Variants in PGM5 observed in about 807,000 individuals in gnomAD.
The protein encoded by PGM5 is phosphoglucomutase 5.
A neutral mutation model predicts 59.2 loss-of-function variants in PGM5; 23 were observed. That is an observed-to-expected ratio of 0.39 (90% confidence interval 0.28 to 0.55). The LOEUF is 0.55. Among genes scored for constraint, PGM5 ranks in the 20% least tolerant of loss-of-function variants. PGM5 has a pLI of 0.66. For synonymous variants in PGM5, 214 were observed against 286.0 expected (o/e 0.75, Z 2.54); for missense variants, 574 against 748.3 (o/e 0.77, Z 2.72).
intron 10 of PGM5, among the ~76,000 whole-genome samples, chr9:68,512,167 A>G (rs1347350804): frequency 6.6e-6 from 1 of 152,226 alleles, no homozygotes; most frequent in African/African-American, 2.4e-5. Flanking sequence ...CTCTTTTACC[A>G]GAGAGAAAGG....
intron 6 of PGM5, among the ~76,000 whole-genome samples, chr9:68,451,211 T>C (rs1823690413): frequency 6.6e-6 from 1 of 152,136 alleles, no homozygotes; most frequent in Non-Finnish European, 1.5e-5. Flanking sequence ...CTGAAAACAA[T>C]TATAAGCTCC....
intron 6 of PGM5, among the ~76,000 whole-genome samples, chr9:68,442,966 G>A (rs1449474887): frequency 6.6e-6 from 1 of 152,102 alleles, no homozygotes; most frequent in South Asian, 2.1e-4. Flanking sequence ...AATGCCAAAT[G>A]GGCCACTCTG....
intron 6 of PGM5, chr9:68,398,002 G>C (rs1180834957): frequency 1.3e-5 from 2 of 151,992 alleles, no homozygotes; most frequent in African/African-American, 2.4e-5. Context: ...TGTTAATCCT[G>C]CAAGTATGCA....
intron 7 of PGM5, among the ~76,000 whole-genome samples, chr9:68,477,715 C>A (rs1824128915): frequency 6.6e-6 from 1 of 152,202 alleles, no homozygotes. Flanking sequence ...AAATTACCAA[C>A]AACAAGATCA....
intron 7 of PGM5, among the ~76,000 whole-genome samples, chr9:68,473,598 G>GTGCCTTGC (rs1488739540): frequency 6.6e-6 from 1 of 152,152 alleles, no homozygotes; most frequent in Admixed American, 6.6e-5. Flanking sequence ...GCAGTGCCTG[G>GTGCCTTGC]TGCCTTGCTG....
chr9:68,448,901 C>T (rs1341500000), intron 6 of PGM5, among the ~76,000 whole-genome samples: 4 of 152,192 alleles, frequency 2.6e-5, no homozygotes, highest in African/African-American at 9.7e-5. Flanking sequence ...CAGGAGGGGC[C>T]TCTCATTCTA....
At chr9:68,477,087 T>C (rs1824119864) in intron 7 of PGM5, among the ~76,000 whole-genome samples, 1 of 152,218 alleles carries the variant, frequency 6.6e-6, no homozygotes, top group Non-Finnish European at 1.5e-5. Context: ...GCTAACTCAG[T>C]CTTCCAAACT....
At chr9:68,501,703 AG>A (rs781822506) in intron 10 of PGM5, among the ~76,000 whole-genome samples, 2 of 152,210 alleles carry the variant, frequency 1.3e-5, no homozygotes, top group Non-Finnish European at 2.9e-5. Context: ...CCAATTCAAC[AG>A]GTAGTTTTTG....
intron 6 of PGM5, among the ~76,000 whole-genome samples, chr9:68,460,230 T>C (rs1159496946): frequency 1.3e-5 from 2 of 152,212 alleles, no homozygotes; most frequent in Non-Finnish European, 2.9e-5. Context: ...GATATTCTGG[T>C]AGACTCTTAT....
intron 1 of PGM5, among the ~76,000 whole-genome samples, chr9:68,370,719 G>T (rs1821675254): frequency 6.6e-6 from 1 of 152,238 alleles, no homozygotes; most frequent in African/African-American, 2.4e-5. Context: ...CACCTGGTAT[G>T]CTCATTTATG....
intron 10 of PGM5, among the ~76,000 whole-genome samples, chr9:68,526,704 A>G (rs1456499273): frequency 6.6e-6 from 1 of 152,132 alleles, no homozygotes; most frequent in Non-Finnish European, 1.5e-5. Context: ...TTGTGAAGCA[A>G]CCTGAAAAAA....
intron 6 of PGM5, among the ~76,000 whole-genome samples, chr9:68,410,233 G>T (rs1822903563): frequency 6.6e-6 from 1 of 151,896 alleles, no homozygotes. Context: ...TATCCTATAG[G>T]CCAGGACTTA....
intron 6 of PGM5, among the ~76,000 whole-genome samples, chr9:68,450,829 A>G (rs1244649768): frequency 1.3e-5 from 2 of 152,244 alleles, no homozygotes; most frequent in African/African-American, 4.8e-5. Context: ...TCTGTATCTC[A>G]TATTCGAAAT....
rs527719053 is a variant in PGM5 at position 68,387,324 on chromosome 9, C to T, written c.572-139C>T. On this transcript the variant is annotated intron_variant, in intron 3 of 10. Coordinates refer to ENST00000396396, the MANE Select transcript of PGM5 (RefSeq NM_021965.4). ...GATTTTTGTCAACAAATGGGCACTT[C>T]GCTTCCCACATCATGTGCAGGGATA... The T allele has an allele frequency of 9.2e-5, 68 of 738,856 alleles. No individual in the cohort carries two copies. In the East Asian group the frequency reaches 1.1e-3, roughly 12 times the overall value. The allele number at this position is 738,856 out of a possible 1,614,324, so 45.8% of individuals were successfully genotyped here.
At chr9:68,411,847 T>A (rs1164782803) in intron 6 of PGM5, among the ~76,000 whole-genome samples, 6 of 151,812 alleles carry the variant, frequency 4.0e-5, no homozygotes, top group Non-Finnish European at 8.8e-5. Flanking sequence ...CTTTCTTCTC[T>A]TAGATTATGA....
chr9:68,375,010 C>CTT (rs1821842612), intron 1 of PGM5, among the ~76,000 whole-genome samples: 2 of 152,026 alleles, frequency 1.3e-5, no homozygotes, highest in Non-Finnish European at 1.5e-5. Context: ...CATATGAAGT[C>CTT]TTGGTGGGGG....
intron 6 of PGM5, among the ~76,000 whole-genome samples, chr9:68,426,613 ATT>A (rs58295629): frequency 0.038 from 5,170 of 136,128 alleles, 90 homozygotes; most frequent in African/African-American, 0.048. Context: ...TCTCTTTATT[ATT>A]TTTTTTTTTT....
At chr9:68,517,879 A>C (rs1824845711) in intron 10 of PGM5, among the ~76,000 whole-genome samples, 1 of 152,230 alleles carries the variant, frequency 6.6e-6, no homozygotes, top group African/African-American at 2.4e-5. Context: ...AGTAACAAGA[A>C]CAGGAAAAGG....
chr9:68,502,850 T>C (rs1231814091), intron 10 of PGM5, among the ~76,000 whole-genome samples: 1 of 152,090 alleles, frequency 6.6e-6, no homozygotes, highest in South Asian at 2.1e-4. Flanking sequence ...CCACCATCCC[T>C]GGCTGATTTT....
Sources: gnomAD v4.1 joint callset for allele counts (sites outside exome capture counted in the v4.1 genomes callset) on GRCh38, gnomAD v4.1.1 for gene constraint, MANE v1.5 for transcripts, NCBI Gene and HGNC (gene_info 2026-07-23, HGNC 2026-07-21) for gene names.